COL12A1: variants seen among roughly 807,000 people sequenced by gnomAD.
COL12A1 encodes the protein collagen type XII alpha 1 chain.
Under a neutral mutation model 349.7 loss-of-function variants are expected in COL12A1, and 114 were observed. That is an observed-to-expected ratio of 0.33 (90% CI 0.28 to 0.38). The LOEUF is 0.38. Ranked by LOEUF, COL12A1 falls within the 10% of genes least tolerant of loss-of-function variation. COL12A1 has a pLI of 1.00. For synonymous variants in COL12A1, 1,369 were observed against 1,329.0 expected, an observed-to-expected ratio of 1.03 and a Z score of -0.66; for missense variants, 3,284 against 3,756.9, an observed-to-expected ratio of 0.87 and a Z score of 3.29.
chr6:75,163,523 G>A (rs1768127940), intron 14 of COL12A1, among the ~76,000 whole-genome samples: 1 of 152,104 alleles, frequency 6.6e-6, no homozygotes, highest in African/African-American at 2.4e-5. Flanking sequence ...AGGGTAGGGG[G>A]CTAGGGGAGG....
chr6:75,104,504 C>T (rs1226851850), intron 54 of COL12A1, among the ~76,000 whole-genome samples: 1 of 152,130 alleles, frequency 6.6e-6, no homozygotes, highest in East Asian at 1.9e-4. Context: ...TGAGCTCCTC[C>T]TGTGTTAATT....
chr6:75,169,411 G>A (rs541319894), intron 13 of COL12A1, among the ~76,000 whole-genome samples: 267 of 152,266 alleles, frequency 1.8e-3, no homozygotes, highest in African/African-American at 6.2e-3. Flanking sequence ...TCCTCAAAAG[G>A]GGAAGGCATA....
chr6:75,158,701 CAAATT>C (rs1429421394), intron 14 of COL12A1, among the ~76,000 whole-genome samples: 13 of 151,604 alleles, frequency 8.6e-5, no homozygotes, highest in African/African-American at 2.7e-4. Context: ...TAAAAAGACT[CAAATT>C]AAACTTCTAG....
At chr6:75,201,852 G>C (rs1218658376) in intron 2 of COL12A1, among the ~76,000 whole-genome samples, 1 of 151,926 alleles carries the variant, frequency 6.6e-6, no homozygotes, top group Non-Finnish European at 1.5e-5. Context: ...ATTTTCTAGA[G>C]GAGGGGCCAC....
intron 51 of COL12A1, among the ~76,000 whole-genome samples, chr6:75,112,058 A>G (rs1768865798): frequency 6.6e-6 from 1 of 151,846 alleles, no homozygotes; most frequent in South Asian, 2.1e-4. Flanking sequence ...TTTTATGTAT[A>G]AGGGCTAATC....
intron 47 of COL12A1, among the ~76,000 whole-genome samples, chr6:75,116,877 G>T (rs1398346215): frequency 6.6e-6 from 1 of 152,004 alleles, no homozygotes; most frequent in Non-Finnish European, 1.5e-5. Context: ...AGAATAAATC[G>T]ACTTAAATAA....
chr6:75,192,012 TAAC>T (rs1582213810), intron 4 of COL12A1, among the ~76,000 whole-genome samples, 197 bp downstream of exon 4: 1 of 152,102 alleles, frequency 6.6e-6, no homozygotes, highest in East Asian at 1.9e-4. Flanking sequence ...TCTTCATTCA[TAAC>T]ATTCCTGCTG....
intron 16 of COL12A1, among the ~76,000 whole-genome samples, chr6:75,155,032 C>T (rs903560874): frequency 6.6e-6 from 1 of 152,166 alleles, no homozygotes; most frequent in African/African-American, 2.4e-5. Flanking sequence ...TTTCAATAGT[C>T]TTGAATGAAT....
rs1767475059 is a variant in COL12A1, at chr6:75,086,114, A to ACATACAAATT, written c.*432_*433insAATTTGTATG. The ACATACAAATT allele has an allele frequency of 6.5e-6, 1 of 152,908 alleles. No homozygotes were observed. The highest frequency in any genetic ancestry group is 2.4e-5 in the African/African-American group (1 of 41,464). The allele number at this position is 152,908 out of a possible 1,614,324, so 9.5% of individuals were successfully genotyped here. On this transcript the variant is annotated 3_prime_UTR_variant, in exon 66 of 66. Transcript: ENST00000322507. ...TATTGTAGAATTGTTAAGTGATTTT[A>ACATACAAATT]GTCGACAGGATCACATACAAATCAT... is the stretch of plus-strand genomic sequence containing the variant.
chr6:75,142,551 G>A (rs748105548), intron 26 of COL12A1, among the ~76,000 whole-genome samples: 1 of 152,160 alleles, frequency 6.6e-6, no homozygotes, highest in African/African-American at 2.4e-5. Flanking sequence ...CCTTTTAAAT[G>A]GAAATGCAGA....
Position 75,152,423 on chromosome 6 carries a change from T to C in COL12A1, c.3625A>G (p.Ser1209Gly). The change falls in exon 18 of 66, where the codon AGC becomes GGC. Residue 1209 changes from serine (S) to glycine (G), a missense_variant. Around this residue, in one of 2 missense-constraint regions of COL12A1, gnomAD observed 2,601 missense variants for 2,824.8 expected, o/e 0.92. Transcript: ENST00000322507. Reference sequence around the variant, plus strand: ...GTTCTAAAATTTGCCCGGCCGATGCTCCATGATCCATCCACCAGCAACACA... The same window carrying C: ...GTTCTAAAATTTGCCCGGCCGATGCCCCATGATCCATCCACCAGCAACACA... ...DIVLLVDGSWSIGRANFRTVR... is the reference protein window; with the variant it reads ...DIVLLVDGSWGIGRANFRTVR... 2 of 1,613,638 alleles carry C rather than the reference T, an allele frequency of 1.2e-6. No homozygotes were observed. Among genetic ancestry groups the C allele is most frequent in the Non-Finnish European group, 1.7e-6 (2 of 1,179,706 alleles).
chr6:75,116,957 A>G (rs1209921027), intron 47 of COL12A1, among the ~76,000 whole-genome samples: 2 of 152,200 alleles, frequency 1.3e-5, no homozygotes, highest in Non-Finnish European at 2.9e-5. Flanking sequence ...AACAAATGGG[A>G]ACCAAATGAA....
At chr6:75,122,511 A>T (rs1765793982) in intron 43 of COL12A1, among the ~76,000 whole-genome samples, 1 of 152,166 alleles carries the variant, frequency 6.6e-6, no homozygotes, top group South Asian at 2.1e-4. Context: ...TAGAAAATAA[A>T]GCCTATTTAA....
At chr6:75,171,639 C>A (rs983739306) in intron 13 of COL12A1, among the ~76,000 whole-genome samples, 4 of 152,194 alleles carry the variant, frequency 2.6e-5, no homozygotes, top group African/African-American at 9.6e-5. Context: ...CACCTCCTCT[C>A]CCAAGAGAAA....
chr6:75,112,203 G>A lies in COL12A1; in HGVS notation c.7950+1001C>T, dbSNP rs540166495. On this transcript the variant is annotated intron_variant, in intron 51 of 65. Transcript: ENST00000322507. ...CATAAAGGGGAACAACACACACTGCGGCCTATCAGAGGGTGTCAGGTGAAA... is the reference window on the plus strand; with the variant it reads ...CATAAAGGGGAACAACACACACTGCAGCCTATCAGAGGGTGTCAGGTGAAA... Among the ~76,000 whole-genome samples the A allele has an allele frequency of 1.2e-4, 18 of 151,724 alleles. No homozygotes were observed. In the South Asian group the frequency reaches 3.7e-3, roughly 31 times the overall value.
chr6:75,195,047 CTT>C, intron 2 of COL12A1, 100 bp from the exon 3 acceptor site: 1 of 658,442 alleles, frequency 1.5e-6, no homozygotes, highest in South Asian at 2.6e-5. Context: ...CTAAAATTGT[CTT>C]TGCATAAATT....
At chr6:75,140,655 C>CAAAAAAAAAAAAAAAAAAA (rs1236499281) in intron 27 of COL12A1, among the ~76,000 whole-genome samples, 8 of 46,128 alleles carry the variant, frequency 1.7e-4, no homozygotes, top group South Asian at 1.5e-3. Context: ...GACTCTGTCT[C>CAAAAAAAAAAAAAAAAAAA]AAAAAAAAAA....
chr6:75,103,893 G>T, intron 54 of COL12A1, 83 bp from the exon 55 acceptor site: 1 of 997,516 alleles, frequency 1.0e-6, no homozygotes, highest in Non-Finnish European at 1.5e-6. Flanking sequence ...AAGAAAAAGT[G>T]CAATTTCCAG....
intron 11 of COL12A1, among the ~76,000 whole-genome samples, chr6:75,179,237 C>T (rs941813447): frequency 2.0e-5 from 3 of 152,056 alleles, no homozygotes; most frequent in Non-Finnish European, 4.4e-5. Context: ...AAGACTTTAC[C>T]AAACTCCATT....
Sources: gnomAD v4.1 joint callset for allele counts (sites outside exome capture counted in the v4.1 genomes callset) on GRCh38, gnomAD v4.1.1 for gene constraint, gnomAD v4.1.1 regional missense constraint, MANE v1.5 for transcripts, NCBI Gene and HGNC (gene_info 2026-07-23, HGNC 2026-07-21) for gene names.